Variants in MTTP observed in about 807,000 individuals in gnomAD.
MTTP encodes the protein microsomal triglyceride transfer protein large subunit.
In MTTP, 49 loss-of-function variants were observed where a neutral mutation model predicts 90.6. That is an observed-to-expected ratio of 0.54 (90% CI 0.43 to 0.69). The LOEUF (loss-of-function observed/expected upper bound fraction) is 0.69, where lower values mean the gene tolerates loss of function less well. Among genes scored for constraint, MTTP ranks in the 30% least tolerant of loss-of-function variants. The pLI is 0.00. For synonymous variants in MTTP, 347 were observed against 384.2 expected, an observed-to-expected ratio of 0.90 and a Z score of 1.13; for missense variants, 945 against 1,067.5, an observed-to-expected ratio of 0.89 and a Z score of 1.60.
intron 15 of MTTP, among the ~76,000 whole-genome samples, chr4:99,616,869 G>A (rs1005529049): frequency 1.3e-5 from 2 of 152,188 alleles, no homozygotes; most frequent in Non-Finnish European, 2.9e-5. Flanking sequence ...CCATGAAATG[G>A]CCTTTTCCAT....
At chr4:99,589,543 A>G (rs1428524494) in intron 3 of MTTP, 100 bp from the exon 4 acceptor site, 1 of 743,162 alleles carries the variant, frequency 1.3e-6, no homozygotes, top group African/African-American at 1.7e-5. Context: ...TTCTCCCAGG[A>G]TTAATACAGG....
At chr4:99,612,872 C>T in intron 14 of MTTP, 41 bp from the exon 15 acceptor site, 1 of 1,553,526 alleles carries the variant, frequency 6.4e-7, no homozygotes, top group Non-Finnish European at 8.9e-7. Flanking sequence ...ACAGAGCAGG[C>T]AGGGAGCTTG....
intron 9 of MTTP, 125 bp downstream of exon 9, chr4:99,600,858 C>A: frequency 1.1e-6 from 1 of 905,674 alleles, no homozygotes; most frequent in Non-Finnish European, 1.7e-6. Flanking sequence ...TATTCATATT[C>A]AAATTGGGGT....
upstream of MTTP, among the ~76,000 whole-genome samples, chr4:99,571,456 T>C (rs1229828774): frequency 6.6e-6 from 1 of 151,966 alleles, no homozygotes; most frequent in Non-Finnish European, 1.5e-5. Context: ...CAGTTTTGTG[T>C]GGTCAAAGAT....
chr4:99,566,297 G>GA (rs567380343), intron 1 of MTTP, among the ~76,000 whole-genome samples: 2,342 of 117,480 alleles, frequency 0.02, 66 homozygotes, highest in African/African-American at 0.055. Flanking sequence ...TCAAAAAAAA[G>GA]AAAAAAAAAA....
rs1402268310 is a variant in MTTP at position 99,623,269 on chromosome 4, C to G, written c.*421C>G. The G allele has an allele frequency of 6.6e-6, 1 of 150,522 alleles. No individual in the cohort carries two copies. Among genetic ancestry groups the G allele is most frequent in the Non-Finnish European group, 1.4e-5 (1 of 69,500 alleles). 9.3% of individuals were successfully genotyped at this position (150,522 alleles called of 1,614,324 possible). A position where few individuals can be genotyped will look rare whatever the true frequency, so the allele number is the denominator to read the frequency against. ...TTAAGCATGACGGGAAAACCAAACACGTTCCCTAATCAGGAAAAAAAAAAA... is the reference window on the plus strand; with the variant it reads ...TTAAGCATGACGGGAAAACCAAACAGGTTCCCTAATCAGGAAAAAAAAAAA... On this transcript the variant is annotated 3_prime_UTR_variant, in exon 18 of 18. Coordinates refer to ENST00000265517, the MANE Select transcript of MTTP (RefSeq NM_001386140.1).
rs567380343 is a variant in MTTP, at chr4:99,566,297, G to GAAAAAAAA, written c.-102+2070_-102+2077dup. Among the ~76,000 whole-genome samples, 131 of 117,374 alleles carry GAAAAAAAA rather than the reference G, an allele frequency of 1.1e-3. 2 individuals carry two copies. The highest frequency in any genetic ancestry group is 1.4e-3 in the Non-Finnish European group (78 of 55,858). 77.0% of individuals were successfully genotyped at this position (117,374 alleles called of 152,430 possible). A position where few individuals can be genotyped will look rare whatever the true frequency, so the allele number is the denominator to read the frequency against. On this transcript the variant is annotated intron_variant, in intron 1 of 18. Coordinates refer to the MTTP transcript ENST00000457717. ...GAGTGATACTCCGTCTCAAAAAAAA[G>GAAAAAAAA]AAAAAAAAAAAAAAAAAGAAAAATA...
intron 9 of MTTP, 84 bp downstream of exon 9, chr4:99,600,817 G>A (rs1725678443): frequency 7.4e-7 from 1 of 1,355,326 alleles, no homozygotes; most frequent in Non-Finnish European, 1.0e-6. Context: ...TCTTAGATCT[G>A]AATGAAGGCT....
Position 99,606,940 on chromosome 4 carries a change from C to T in MTTP, c.1537C>T (p.Leu513Phe). The change falls in exon 11 of 18, where the codon CTC (leucine) becomes TTC (phenylalanine). Residue 513 changes from leucine to phenylalanine, a missense_variant. Transcript: ENST00000265517. The part of the protein sequence containing the change: ...LATTALQRYD[L>F]PFITDEVKKT... ...TACCACTGCTCTCCAGAGATATGAT[C>T]TCCCTTTCATAACTGATGAGGTAAA... is the stretch of plus-strand genomic sequence containing the variant. The T allele has an allele frequency of 1.2e-6, 2 of 1,613,438 alleles. No homozygotes were observed. The highest frequency in any genetic ancestry group is 1.7e-6 in the Non-Finnish European group (2 of 1,179,628).
intron 1 of MTTP, 64 bp from the exon 2 acceptor site, chr4:99,581,841 C>T (rs897468977): frequency 1.3e-6 from 2 of 1,539,268 alleles, no homozygotes; most frequent in African/African-American, 2.7e-5. Flanking sequence ...GAGAGATGCA[C>T]TGATGGTGAG....
intron 2 of MTTP, among the ~76,000 whole-genome samples, chr4:99,582,421 GA>G (rs1453462276): frequency 6.6e-6 from 1 of 152,136 alleles, no homozygotes; most frequent in Non-Finnish European, 1.5e-5. Context: ...CATGTTGTAT[GA>G]AAAACAATTT....
chr4:99,577,000 T>A (rs1724980095), intron 1 of MTTP, among the ~76,000 whole-genome samples: 1 of 152,196 alleles, frequency 6.6e-6, no homozygotes. Context: ...CAAGAGAGCT[T>A]AAGCTTCATC....
intron 1 of MTTP, among the ~76,000 whole-genome samples, chr4:99,567,389 A>G (rs1016058685): frequency 3.3e-5 from 5 of 152,192 alleles, no homozygotes; most frequent in Non-Finnish European, 7.4e-5. Context: ...ACCCAACTTA[A>G]TATCAGCAAC....
intron 1 of MTTP, chr4:99,564,314 C>T (rs1220409342): frequency 3.6e-5 from 51 of 1,408,680 alleles, no homozygotes; most frequent in African/African-American, 5.7e-5. Context: ...CCTAATTTTT[C>T]TGTGTTGAAA....
At chr4:99,571,678 G>T (rs930694176), upstream of MTTP, among the ~76,000 whole-genome samples, 2 of 151,708 alleles carry the variant, frequency 1.3e-5, no homozygotes, top group Non-Finnish European at 3.0e-5. Flanking sequence ...TTATTTTCTC[G>T]TAGAGAATTT....
chr4:99,606,804 A>G lies in MTTP; in HGVS notation c.1401A>G (p.Lys467=), dbSNP rs148469697. 1.6e-4 allele frequency: 265 copies of G among 1,614,098 alleles called. 2 individuals carry two copies. In the African/African-American group the frequency reaches 2.8e-3, roughly 17 times the overall value. Residue 467 remains lysine, a synonymous_variant, in exon 11 of 18, where the codon AAA becomes AAG. Transcript: ENST00000265517. ...GAGGACTTGAAAAAGCAGAGAAAAA[A>G]GAGGACACCAGGATGTATCTGCTGG... ...ILGGLEKAEK[K]EDTRMYLLAL...
At chr4:99,601,751 T>G in intron 10 of MTTP, 37 bp downstream of exon 10, 2 of 1,448,822 alleles carry the variant, frequency 1.4e-6, no homozygotes, top group South Asian at 2.3e-5. Context: ...TACATCATTC[T>G]ACACCATTGT....
At chr4:99,583,792 G>A in intron 3 of MTTP, 24 of 552,384 alleles carry the variant, frequency 4.3e-5, no homozygotes, top group South Asian at 1.0e-4. Flanking sequence ...ATTATTAAAA[G>A]GTAAATTTCT....
intron 15 of MTTP, among the ~76,000 whole-genome samples, chr4:99,615,523 TTA>T (rs1444919617): frequency 6.6e-6 from 1 of 152,114 alleles, no homozygotes; most frequent in Non-Finnish European, 1.5e-5. Context: ...AGATCTGAGG[TTA>T]TTATACAAAT....
Sources: gnomAD v4.1 joint callset for allele counts (sites outside exome capture counted in the v4.1 genomes callset) on GRCh38, gnomAD v4.1.1 for gene constraint, MANE v1.5 for transcripts, NCBI Gene and HGNC (gene_info 2026-07-23, HGNC 2026-07-21) for gene names.